The following PLTP variants were observed in gnomAD, a reference collection of about 807,000 sequenced individuals.
PLTP encodes BPI fold containing family E.
A neutral mutation model predicts 54.1 loss-of-function variants in PLTP; 43 were observed. The observed-to-expected ratio is 0.79, with a 90% CI of 0.62 to 1.02. PLTP has a LOEUF of 1.02. Ranked by LOEUF, PLTP falls within the 50% of genes least tolerant of loss-of-function variation. PLTP has a pLI of 0.00. For missense variants in PLTP, 604 were observed against 645.9 expected, an observed-to-expected ratio of 0.94 and a Z score of 0.70; for synonymous variants, 263 against 264.6, an observed-to-expected ratio of 0.99 and a Z score of 0.06.
Position 45,909,949 on chromosome 20 carries a change from A to G in PLTP, c.322T>C (p.Trp108Arg). 2 of 1,614,132 alleles carry G rather than the reference A, an allele frequency of 1.2e-6. No individual in the cohort carries two copies. The highest frequency in any genetic ancestry group is 1.7e-6 in the Non-Finnish European group (2 of 1,180,002). Residue 108 changes from tryptophan (W) to arginine (R), a missense_variant, in exon 4 of 16, where the codon TGG (tryptophan) becomes CGG (arginine). Coordinates refer to ENST00000372431, the MANE Select transcript of PLTP (RefSeq NM_006227.4). ...GLRFRRQLLYWFFYDGGYINA... is the reference protein window; with the variant it reads ...GLRFRRQLLYRFFYDGGYINA... The stretch of plus-strand genomic sequence containing the variant: ...AGGGTGCTGGGTCCTTACAAGAACC[A>G]GTAGAGCAGCTGTCTCCGGAAGCGC...
intron 14 of PLTP, 32 bp downstream of exon 14, chr20:45,899,590 T>A (rs750203253): frequency 1.2e-5 from 19 of 1,614,076 alleles, no homozygotes; most frequent in Non-Finnish European, 1.4e-5. Flanking sequence ...TCACCCCTCC[T>A]TTCTTCCTCC....
In PLTP at chr20:45,910,048, G is replaced by A. The variant is rs2083276126; in HGVS notation, c.223C>T (p.Leu75=). The A allele has an allele frequency of 3.7e-6, 6 of 1,613,994 alleles. No individual in the cohort carries two copies. The South Asian group carries it at 6.6e-5, about 18-fold the overall frequency. ...TGGAAATCGAGCTCGGAAGATGTCA[G>A]TTGCAGCTCTGTGACCTTCACCCTA... The part of the protein sequence containing the change: ...ISEVKVTELQ[L]TSSELDFQPQ... Residue 75 remains leucine, a synonymous_variant, in exon 4 of 16, where the codon CTG becomes TTG. Coordinates refer to ENST00000372431, the MANE Select transcript of PLTP (RefSeq NM_006227.4).
chr20:45,910,363 C>G (rs904875394), intron 3 of PLTP, among the ~76,000 whole-genome samples: 5 of 152,082 alleles, frequency 3.3e-5, no homozygotes, highest in African/African-American at 1.2e-4. Flanking sequence ...TGCCTGTAAT[C>G]CCAGCACTTT....
Position 45,902,466 on chromosome 20 carries a change from C to G in PLTP, c.1081G>C (p.Glu361Gln). The change falls in exon 11 of 16, where the codon GAG becomes CAG. Residue 361 changes from glutamate (E) to glutamine (Q), a missense_variant. Glu to Gln is a conservative substitution (Grantham distance 29, BLOSUM62 2). Transcript: ENST00000372431. ...TIALVPPDQP[E>Q]VQLSSMTMDA... is the part of the protein sequence containing the mutation. ...ATAGTCATGCTGGACAGCTGGACCT[C>G]AGGCTGGTCTGGTGGGACCAGGGCA... 6.2e-7 allele frequency: 1 copy of G among 1,614,230 alleles called. No homozygotes were observed. The highest frequency in any genetic ancestry group is 8.5e-7 in the Non-Finnish European group (1 of 1,180,030).
Position 45,898,843 on chromosome 20 carries a change from G to A in PLTP, c.*98C>T. The A allele has an allele frequency of 3.0e-6, 4 of 1,346,828 alleles. No homozygotes were observed. Among genetic ancestry groups the A allele is most frequent in the Non-Finnish European group, 4.1e-6 (4 of 977,078 alleles). The allele number at this position is 1,346,828 out of a possible 1,614,324, so 83.4% of individuals were successfully genotyped here. A position where few individuals can be genotyped will look rare whatever the true frequency, so the allele number is the denominator to read the frequency against. Reference sequence around the variant, plus strand: ...AAATCCCGTCTTCTCTGTGGCACTGGGGGTTAGAGGGGGCACTACAGGCTA... The same window carrying A: ...AAATCCCGTCTTCTCTGTGGCACTGAGGGTTAGAGGGGGCACTACAGGCTA... On this transcript the variant is annotated 3_prime_UTR_variant, in exon 16 of 16. Coordinates refer to ENST00000372431, the MANE Select transcript of PLTP (RefSeq NM_006227.4). This position sits in a 1 kb window ranked among gnomAD's most constrained non-coding sequence, Gnocchi z 4.6.
chr20:45,904,951 C>G lies in PLTP; in HGVS notation c.873G>C (p.Val291=), dbSNP rs746539867. The G allele has an allele frequency of 7.4e-6, 12 of 1,614,146 alleles. No homozygotes were observed. In the East Asian group the frequency reaches 8.9e-5, roughly 12 times the overall value. ...ACAGGCCATGACATACCTTGTCCCC[C>G]ACCAGCAACAGCTGCAGGGCCCCCG... ...FRAGALQLLL[V]GDKVPHDLDM... is the part of the protein sequence containing the mutation. Residue 291 remains valine, a synonymous_variant, in exon 9 of 16, where the codon GTG becomes GTC. Transcript: ENST00000372431.
intron 10 of PLTP, 42 bp downstream of exon 10, chr20:45,904,758 T>G (rs1287443320): frequency 6.3e-7 from 1 of 1,597,262 alleles, no homozygotes; most frequent in Non-Finnish European, 8.6e-7. Context: ...TTGGTCTCAC[T>G]GGTGTGCAGG....
At chr20:45,907,626 G>A (rs547330484) in intron 7 of PLTP, 66 bp downstream of exon 7, 15 of 1,456,306 alleles carry the variant, frequency 1.0e-5, no homozygotes, top group African/African-American at 8.3e-5. Flanking sequence ...AGCAGGGCTC[G>A]GAAGGGGCCT....
At chr20:45,907,632 G>T in intron 7 of PLTP, 60 bp downstream of exon 7, 2 of 1,492,242 alleles carry the variant, frequency 1.3e-6, no homozygotes, top group Non-Finnish European at 9.3e-7. Context: ...GCTCGGAAGG[G>T]GCCTGCTCTG....
chr20:45,901,094 C>T lies in PLTP; in HGVS notation c.1175+1173G>A, dbSNP rs1342045668. Among the ~76,000 whole-genome samples, 5 of 152,274 alleles carry T rather than the reference C, an allele frequency of 3.3e-5. No homozygotes were observed. The East Asian group carries it at 9.6e-4, about 29-fold the overall frequency. ...CTGTCCAGTCAGATTTTCTGTGAAACGTTTTGTATCTGCACCGTCTACTAT... is the reference window on the plus strand; with the variant it reads ...CTGTCCAGTCAGATTTTCTGTGAAATGTTTTGTATCTGCACCGTCTACTAT... On this transcript the variant is annotated intron_variant, in intron 12 of 15. Transcript: ENST00000372431.
intron 3 of PLTP, 151 bp from the exon 4 acceptor site, chr20:45,910,221 AG>A: frequency 1.2e-6 from 1 of 847,900 alleles, no homozygotes; most frequent in Non-Finnish European, 1.9e-6. Context: ...TGCCCAACTT[AG>A]ACTTGGGTGG....
At chr20:45,903,212 C>CT (rs1187871024) in intron 10 of PLTP, among the ~76,000 whole-genome samples, 20 of 147,574 alleles carry the variant, frequency 1.4e-4, no homozygotes, top group African/African-American at 3.3e-4. Context: ...TCTCTCTCTC[C>CT]TTTTTTTTTG....
In PLTP at chr20:45,902,423, C is replaced by T. The variant is rs761642142; in HGVS notation, c.1107+17G>A. The T allele has an allele frequency of 2.5e-6, 4 of 1,614,090 alleles. No individual in the cohort carries two copies. The highest frequency in any genetic ancestry group is 1.6e-4 in the Middle Eastern group (1 of 6,084). On this transcript the variant is annotated intron_variant, in intron 11 of 15. Transcript: ENST00000372431. Reference sequence around the variant, plus strand: ...TCCCTGACCCCCAGCCAGCAGCCCCCACTCTGGGACCCGTACCATAGTCAT... The same window carrying T: ...TCCCTGACCCCCAGCCAGCAGCCCCTACTCTGGGACCCGTACCATAGTCAT...
At position 45,911,475 on chromosome 20, in the gene PLTP, GT is replaced by G. The variant is rs764940658; in HGVS notation, c.-11-13del. 1.2e-6 allele frequency: 2 copies of G among 1,600,840 alleles called. No individual in the cohort carries two copies. Among genetic ancestry groups the G allele is most frequent in the Admixed American group, 3.3e-5 (2 of 60,008 alleles). On this transcript the variant is annotated splice_polypyrimidine_tract_variant and intron_variant, in intron 1 of 15. Transcript: ENST00000372431. The stretch of plus-strand genomic sequence containing the variant: ...CATGGCGAGCGGGCCTGGGGGTGGG[GT>G]GGGGTCGCAGGAGTTATCTGAGCCG...
intron 3 of PLTP, among the ~76,000 whole-genome samples, chr20:45,910,572 G>A (rs1322457564): frequency 6.7e-6 from 1 of 148,854 alleles, no homozygotes; most frequent in East Asian, 2.0e-4. Context: ...CCAAGATCGC[G>A]CCACTGCACT....
At chr20:45,901,758 C>T (rs11569655) in intron 12 of PLTP, among the ~76,000 whole-genome samples, 3,823 of 151,760 alleles carry the variant, frequency 0.025, 132 homozygotes, top group East Asian at 0.1. Context: ...AAAAATTAGC[C>T]GGGCGTGGTG....
At chr20:45,908,750 C>T (rs1010229144) in intron 5 of PLTP, among the ~76,000 whole-genome samples, 2 of 151,712 alleles carry the variant, frequency 1.3e-5, no homozygotes, top group Admixed American at 6.6e-5. Context: ...TGCAGTAAAC[C>T]GAGATGGCGC....
rs367765346 is a variant in PLTP at position 45,909,681 on chromosome 20, G to A, written c.330-10C>T. ...GTAGCCCCCATCATAGCTGCCAGGGGGGTTAATATTCACTCCAGGTAGGAG... is the reference window on the plus strand; with the variant it reads ...GTAGCCCCCATCATAGCTGCCAGGGAGGTTAATATTCACTCCAGGTAGGAG... On this transcript the variant is annotated splice_polypyrimidine_tract_variant and intron_variant, in intron 4 of 15. Coordinates refer to ENST00000372431, the MANE Select transcript of PLTP (RefSeq NM_006227.4). 1.2e-5 allele frequency: 20 copies of A among 1,613,900 alleles called. No homozygotes were observed. The highest frequency in any genetic ancestry group is 1.7e-5 in the Non-Finnish European group (20 of 1,179,996).
chr20:45,907,824 C>A lies in PLTP; in HGVS notation c.549+17G>T, dbSNP rs746750150. Reference sequence around the variant, plus strand: ...CATGCCCACCCTTGCCACCCTGCGACCTGTCGCTGCCCACACCTGCTGGTT... The same window carrying A: ...CATGCCCACCCTTGCCACCCTGCGAACTGTCGCTGCCCACACCTGCTGGTT... On this transcript the variant is annotated intron_variant, in intron 6 of 15. Coordinates refer to ENST00000372431, the MANE Select transcript of PLTP (RefSeq NM_006227.4). 140 of 1,604,172 alleles carry A rather than the reference C, an allele frequency of 8.7e-5. No homozygotes were observed. Among genetic ancestry groups the A allele is most frequent in the Non-Finnish European group, 1.0e-4 (121 of 1,176,040 alleles).
Sources: gnomAD v4.1 joint callset for allele counts (sites outside exome capture counted in the v4.1 genomes callset) on GRCh38, gnomAD v4.1.1 for gene constraint, Gnocchi (gnomAD v3.1) non-coding constraint, MANE v1.5 for transcripts, NCBI Gene and HGNC (gene_info 2026-07-23, HGNC 2026-07-21) for gene names.